The following DYM variants were observed in gnomAD, a reference collection of about 807,000 sequenced individuals.
DYM encodes the protein dyggve-Melchior-Clausen syndrome protein.
Under a neutral mutation model 93.1 loss-of-function variants are expected in DYM, and 78 were observed. The ratio of observed to expected loss-of-function variants is 0.84; its 90% confidence interval spans 0.70 to 1.01. The LOEUF is 1.01. DYM is among the 50% of genes least tolerant of loss of function. The probability of loss-of-function intolerance (pLI) is 0.00; values close to 1 mark genes in which losing one functional copy is unlikely to be tolerated. For missense variants in DYM, 789 were observed against 845.0 expected (o/e 0.93, Z 0.82); for synonymous variants, 321 against 319.7 (o/e 1.00, Z -0.04).
At chr18:49,366,219 T>G (rs947085110) in intron 5 of DYM, among the ~76,000 whole-genome samples, 5 of 152,232 alleles carry the variant, frequency 3.3e-5, no homozygotes, top group Non-Finnish European at 7.3e-5. Flanking sequence ...TATTGCATTA[T>G]TTCCCAACTA....
intron 3 of DYM, among the ~76,000 whole-genome samples, chr18:49,384,396 C>T (rs1833644408): frequency 6.8e-6 from 1 of 147,528 alleles, no homozygotes; most frequent in Non-Finnish European, 1.5e-5. Flanking sequence ...GAGGCCAAGG[C>T]AGGAAGATCA....
At chr18:49,430,143 CAGAT>C (rs538575792) in intron 2 of DYM, 108 bp downstream of exon 2, 5 of 1,038,162 alleles carry the variant, frequency 4.8e-6, no homozygotes, top group South Asian at 2.6e-5. Flanking sequence ...CTATGTATGA[CAGAT>C]AGACTAGATA....
At chr18:49,281,436 A>G (rs1282084541) in intron 10 of DYM, among the ~76,000 whole-genome samples, 1 of 152,234 alleles carries the variant, frequency 6.6e-6, no homozygotes, top group East Asian at 1.9e-4. Flanking sequence ...CATTTGACCC[A>G]GCCATCCCAT....
intron 8 of DYM, among the ~76,000 whole-genome samples, chr18:49,298,246 T>C (rs1440982530): frequency 1.3e-5 from 2 of 152,178 alleles, no homozygotes; most frequent in Non-Finnish European, 2.9e-5. Flanking sequence ...TTAAAACTCA[T>C]AGCACAGTAA....
chr18:49,359,035 C>CT (rs1166391618), intron 6 of DYM, among the ~76,000 whole-genome samples: 2 of 152,202 alleles, frequency 1.3e-5, no homozygotes, highest in African/African-American at 4.8e-5. Context: ...TCATTCAGCC[C>CT]TTATAGTAAC....
At chr18:49,391,403 C>A in intron 3 of DYM, 190 bp downstream of exon 3, 1 of 602,250 alleles carries the variant, frequency 1.7e-6, no homozygotes, top group South Asian at 1.8e-5. Flanking sequence ...CAGATATAGC[C>A]AAGCATGTGT....
rs867284592 is a variant in DYM at position 49,067,055 on chromosome 18, A to G, written c.2026-22851T>C. 3.1e-4 allele frequency among the ~76,000 whole-genome samples: 47 copies of G among 149,924 alleles called. No individual in the cohort carries two copies. In the Middle Eastern group the frequency reaches 0.01, roughly 33 times the overall value. ...GATCTTACCAGAAGCAGCATATACT[A>G]AACAGCTAATAAATGGTGTAGATAA... On this transcript the variant is annotated intron_variant, in intron 17 of 17. Coordinates refer to ENST00000675505, the MANE Select transcript of DYM (RefSeq NM_001353214.3).
chr18:49,147,486 A>C (rs1292698693), intron 15 of DYM, among the ~76,000 whole-genome samples: 1 of 152,236 alleles, frequency 6.6e-6, no homozygotes, highest in Non-Finnish European at 1.5e-5. Context: ...CAAAGAACTC[A>C]AACAAATTTA....
chr18:49,083,988 T>A (rs1299111699), intron 17 of DYM, among the ~76,000 whole-genome samples: 1 of 152,168 alleles, frequency 6.6e-6, no homozygotes, highest in Non-Finnish European at 1.5e-5. Context: ...TCTTCATTGA[T>A]TTGTGCTCTG....
chr18:49,263,205 G>A (rs914318257), intron 11 of DYM, among the ~76,000 whole-genome samples: 5 of 151,010 alleles, frequency 3.3e-5, no homozygotes, highest in Admixed American at 3.3e-4. Flanking sequence ...TGCAACCTCC[G>A]CCTCCTGGGT....
rs1349939551 is a variant in DYM, at chr18:49,310,328, C to A, written c.763+21536G>T. Among the ~76,000 whole-genome samples, 3 of 152,156 alleles carry A rather than the reference C, an allele frequency of 2.0e-5. No individual in the cohort carries two copies. The East Asian group carries it at 5.8e-4, about 29-fold the overall frequency. Reference sequence around the variant, plus strand: ...GCTAAAATTTATTCAATTTAAGTTACCCTGAACTTAAAAGCTGAAGGAAAG... The same window carrying A: ...GCTAAAATTTATTCAATTTAAGTTAACCTGAACTTAAAAGCTGAAGGAAAG... On this transcript the variant is annotated intron_variant, in intron 8 of 17. Coordinates refer to ENST00000675505, the MANE Select transcript of DYM (RefSeq NM_001353214.3).
At chr18:49,159,966 T>C (rs2086899705) in intron 15 of DYM, among the ~76,000 whole-genome samples, 1 of 152,140 alleles carries the variant, frequency 6.6e-6, no homozygotes, top group Non-Finnish European at 1.5e-5. Flanking sequence ...TATATTCAGG[T>C]TCCATATTTG....
At chr18:49,335,907 A>T (rs1026884300) in intron 6 of DYM, among the ~76,000 whole-genome samples, 2 of 151,438 alleles carry the variant, frequency 1.3e-5, no homozygotes, top group African/African-American at 4.9e-5. Flanking sequence ...TCCACCTCCC[A>T]GGCTCAAGTG....
At chr18:49,262,410 A>T (rs554406486) in intron 11 of DYM, among the ~76,000 whole-genome samples, 4 of 152,200 alleles carry the variant, frequency 2.6e-5, no homozygotes, top group Non-Finnish European at 5.9e-5. Flanking sequence ...TGGTACTCAG[A>T]CAACTCTAGA....
intron 1 of DYM, among the ~76,000 whole-genome samples, chr18:49,457,074 C>T (rs1462605779): frequency 6.6e-6 from 1 of 152,236 alleles, no homozygotes; most frequent in East Asian, 1.9e-4. Flanking sequence ...CATCTTATCA[C>T]TCTGCTCTTC....
intron 2 of DYM, among the ~76,000 whole-genome samples, chr18:49,422,814 T>C (rs112890007): frequency 8.5e-4 from 130 of 152,260 alleles, no homozygotes; most frequent in African/African-American, 3.0e-3. Flanking sequence ...CATTACATAA[T>C]GGTAAAGGGA....
At chr18:49,289,766 T>C (rs1444282588) in intron 8 of DYM, among the ~76,000 whole-genome samples, 22 of 48,642 alleles carry the variant, frequency 4.5e-4, no homozygotes, top group East Asian at 4.0e-3. Flanking sequence ...TATATATATA[T>C]ATATATACAC....
At chr18:49,241,508 C>T (rs968613892) in intron 13 of DYM, among the ~76,000 whole-genome samples, 2 of 152,072 alleles carry the variant, frequency 1.3e-5, no homozygotes, top group Non-Finnish European at 1.5e-5. Context: ...AGAGTAAGCC[C>T]CGAACTCAAT....
chr18:49,247,301 C>T (rs765562648), intron 13 of DYM, among the ~76,000 whole-genome samples: 20 of 151,986 alleles, frequency 1.3e-4, no homozygotes, highest in Admixed American at 4.6e-4. Flanking sequence ...ACTACTGCTG[C>T]GAGTAATAAT....
Sources: allele counts gnomAD v4.1 joint callset (sites outside exome capture counted in the v4.1 genomes callset), GRCh38; gene constraint gnomAD v4.1.1; transcripts MANE v1.5; gene names NCBI Gene and HGNC (gene_info 2026-07-23, HGNC 2026-07-21).